CNTN5: variants seen among roughly 807,000 people sequenced by gnomAD.
CNTN5 encodes contactin 5.
In CNTN5, 77 loss-of-function variants were observed where a neutral mutation model predicts 129.1. That is an observed-to-expected ratio of 0.60 (90% CI 0.50 to 0.72). CNTN5 has a LOEUF of 0.72. Among genes scored for constraint, CNTN5 ranks in the 30% least tolerant of loss-of-function variants. The probability of loss-of-function intolerance (pLI) is 0.00; values close to 1 mark genes in which losing one functional copy is unlikely to be tolerated. For missense variants in CNTN5, 1,478 were observed against 1,328.8 expected, an observed-to-expected ratio of 1.11 and a Z score of -1.75; for synonymous variants, 509 against 465.6, an observed-to-expected ratio of 1.09 and a Z score of -1.20.
intron 3 of CNTN5, among the ~76,000 whole-genome samples, chr11:99,774,329 C>A (rs1439494756): frequency 6.6e-6 from 1 of 151,044 alleles, no homozygotes; most frequent in Non-Finnish European, 1.5e-5. Flanking sequence ...TAGAAAACTT[C>A]AGGTTTTTTT....
At chr11:99,830,646 G>T (rs899448201) in intron 4 of CNTN5, among the ~76,000 whole-genome samples, 12 of 152,078 alleles carry the variant, frequency 7.9e-5, no homozygotes, top group Non-Finnish European at 1.8e-4. Context: ...CATCATGTCA[G>T]TTTCCCCAAT....
chr11:99,371,172 A>G (rs1939798262), intron 2 of CNTN5, among the ~76,000 whole-genome samples: 1 of 152,156 alleles, frequency 6.6e-6, no homozygotes, highest in Non-Finnish European at 1.5e-5. Context: ...ATCTTTGTTG[A>G]AAGAGGTAAG....
Position 99,556,156 on chromosome 11 carries a change from A to T in CNTN5, c.-59A>T, listed in dbSNP as rs1948655917. 1.0e-6 allele frequency: 1 copy of T among 1,000,082 alleles called. No individual in the cohort carries two copies. Among genetic ancestry groups the T allele is most frequent in the Non-Finnish European group, 1.4e-6 (1 of 697,884 alleles). The allele number at this position is 1,000,082 out of a possible 1,614,324, so 62.0% of individuals were successfully genotyped here. ...TCTATCTCAAACAGGGCACTCTTTA[A>T]TGAAGAAACACCAGAGCTGTTAAAC... is the stretch of plus-strand genomic sequence containing the variant. On this transcript the variant is annotated 5_prime_UTR_variant, in exon 3 of 25. An upstream start codon of the reference 5' UTR is lost. Coordinates refer to ENST00000524871, the MANE Select transcript of CNTN5 (RefSeq NM_014361.4).
At chr11:99,560,555 T>C (rs1948809540) in intron 3 of CNTN5, among the ~76,000 whole-genome samples, 1 of 152,072 alleles carries the variant, frequency 6.6e-6, no homozygotes, top group Non-Finnish European at 1.5e-5. Context: ...CCTCCCAAAC[T>C]GCTGGGATAA....
At chr11:99,297,139 A>G (rs191662293) in intron 1 of CNTN5, among the ~76,000 whole-genome samples, 2 of 152,238 alleles carry the variant, frequency 1.3e-5, no homozygotes, top group African/African-American at 2.4e-5. Flanking sequence ...AAACCCTAAC[A>G]TTTCTGTTCC....
chr11:100,090,209 A>G lies in CNTN5; in HGVS notation c.1580+15915A>G, dbSNP rs572807384. 1.5e-4 allele frequency among the ~76,000 whole-genome samples: 23 copies of G among 152,210 alleles called. No homozygotes were observed. In the East Asian group the frequency reaches 3.1e-3, roughly 21 times the overall value. The stretch of plus-strand genomic sequence containing the variant: ...TTGAAAGAACATATCTCAAAACAAT[A>G]AGAGCCATCTGTGACAAACCCACAA... On this transcript the variant is annotated intron_variant, in intron 13 of 24. Coordinates refer to ENST00000524871, the MANE Select transcript of CNTN5 (RefSeq NM_014361.4).
At chr11:99,217,072 C>A (rs758291763) in intron 1 of CNTN5, among the ~76,000 whole-genome samples, 1 of 151,966 alleles carries the variant, frequency 6.6e-6, no homozygotes, top group African/African-American at 2.4e-5. Context: ...CCCAGCTACT[C>A]GGGAGGCTGA....
intron 13 of CNTN5, among the ~76,000 whole-genome samples, chr11:100,130,586 G>T (rs1019183551): frequency 6.6e-6 from 1 of 152,080 alleles, no homozygotes; most frequent in Non-Finnish European, 1.5e-5. Context: ...GGGCAGGGAT[G>T]GCTGTGTGAA....
intron 2 of CNTN5, among the ~76,000 whole-genome samples, chr11:99,396,442 G>C (rs977941116): frequency 6.6e-6 from 1 of 151,464 alleles, no homozygotes; most frequent in Non-Finnish European, 1.5e-5. Context: ...ATTTATAGTT[G>C]TGGTTGTGTA....
At chr11:99,962,813 G>A (rs1950986011) in intron 8 of CNTN5, among the ~76,000 whole-genome samples, 1 of 151,818 alleles carries the variant, frequency 6.6e-6, no homozygotes, top group African/African-American at 2.4e-5. Context: ...ATCATCTGCA[G>A]CACCTGTTGT....
At chr11:99,447,241 A>T (rs960171213) in intron 2 of CNTN5, among the ~76,000 whole-genome samples, 1 of 152,224 alleles carries the variant, frequency 6.6e-6, no homozygotes, top group Admixed American at 6.5e-5. Context: ...TATTAAAAAT[A>T]TGCTGCTGTT....
Position 99,786,933 on chromosome 11 carries a change from C to T in CNTN5, c.56-32611C>T, listed in dbSNP as rs76140401. ...GCCAAAAAAGTTAAGAGAATCGATA[C>T]GCTATTTGCTAGACAAATTCTTATT... is the stretch of plus-strand genomic sequence containing the variant. On this transcript the variant is annotated intron_variant, in intron 3 of 24. Coordinates refer to ENST00000524871, the MANE Select transcript of CNTN5 (RefSeq NM_014361.4). Among the ~76,000 whole-genome samples, 1,057 of 152,166 alleles carry T rather than the reference C, an allele frequency of 6.9e-3. 17 individuals are homozygous for T. Among genetic ancestry groups the T allele is most frequent in the African/African-American group, 0.024 (1,007 of 41,536 alleles).
chr11:100,004,318 C>G (rs1165633912), intron 9 of CNTN5, among the ~76,000 whole-genome samples: 1 of 152,044 alleles, frequency 6.6e-6, no homozygotes, highest in Non-Finnish European at 1.5e-5. Context: ...GTCTTGTGGC[C>G]TTTGCACTTG....
intron 13 of CNTN5, among the ~76,000 whole-genome samples, chr11:100,159,300 C>T (rs903153889): frequency 6.6e-6 from 1 of 151,798 alleles, no homozygotes; most frequent in Non-Finnish European, 1.5e-5. Context: ...AGCTCCTCAC[C>T]TTCATAATGA....
intron 4 of CNTN5, among the ~76,000 whole-genome samples, chr11:99,826,672 G>C (rs532333081): frequency 1.3e-5 from 2 of 152,272 alleles, no homozygotes; most frequent in African/African-American, 2.4e-5. Context: ...ACACTCCTAT[G>C]TTTAAGGAAA....
intron 3 of CNTN5, among the ~76,000 whole-genome samples, chr11:99,746,931 T>G (rs1218559140): frequency 6.6e-6 from 1 of 152,254 alleles, no homozygotes; most frequent in Non-Finnish European, 1.5e-5. Context: ...ATATAAATTT[T>G]AAGATTATTT....
chr11:99,514,295 T>C (rs1208051073), intron 2 of CNTN5, among the ~76,000 whole-genome samples: 2 of 152,098 alleles, frequency 1.3e-5, no homozygotes, highest in African/African-American at 4.8e-5. Flanking sequence ...AAACTACTCC[T>C]GATAAAGATG....
At chr11:99,476,602 A>G (rs1479380962) in intron 2 of CNTN5, among the ~76,000 whole-genome samples, 1 of 152,182 alleles carries the variant, frequency 6.6e-6, no homozygotes, top group Non-Finnish European at 1.5e-5. Context: ...GCTAATTGGC[A>G]TATGTAGCAA....
intron 2 of CNTN5, among the ~76,000 whole-genome samples, chr11:99,381,700 A>G (rs1940570944): frequency 6.6e-6 from 1 of 152,210 alleles, no homozygotes; most frequent in Non-Finnish European, 1.5e-5. Context: ...AGTTTCTTGA[A>G]TAAAAACTTT....
Sources: gnomAD v4.1 joint callset for allele counts (sites outside exome capture counted in the v4.1 genomes callset) on GRCh38, gnomAD v4.1.1 for gene constraint, MANE v1.5 for transcripts, NCBI Gene and HGNC (gene_info 2026-07-23, HGNC 2026-07-21) for gene names.